The following OCIAD2 variants were observed in gnomAD, a reference collection of about 807,000 sequenced individuals.
OCIAD2 encodes the protein OCIA domain containing 2, also known as OCIA domain-containing protein 2.
OCIAD2 carries 29 observed loss-of-function variants against 22.9 expected under a neutral mutation model. That is an observed-to-expected ratio of 1.27 (90% confidence interval 0.94 to 1.73). The LOEUF (loss-of-function observed/expected upper bound fraction) is 1.73. Ranked by LOEUF, OCIAD2 falls within the 40% of genes most tolerant of loss-of-function variation. The pLI is 0.00. For synonymous variants in OCIAD2, 67 were observed against 60.2 expected (o/e 1.11, Z -0.52); for missense variants, 189 against 180.3 (o/e 1.05, Z -0.28).
intron 2 of OCIAD2, among the ~76,000 whole-genome samples, chr4:48,902,631 T>G (rs1260267367): frequency 2.0e-5 from 3 of 152,120 alleles, no homozygotes; most frequent in African/African-American, 7.2e-5. Flanking sequence ...AAGGACTGCC[T>G]CCCCTTAATA....
At chr4:48,888,902 A>G (rs1781077313) in intron 6 of OCIAD2, among the ~76,000 whole-genome samples, 1 of 152,174 alleles carries the variant, frequency 6.6e-6, no homozygotes, top group Admixed American at 6.6e-5. Context: ...GAATAGTTTC[A>G]GAAGGAATGG....
intron 1 of OCIAD2, among the ~76,000 whole-genome samples, chr4:48,904,847 G>A (rs1209437251): frequency 3.9e-5 from 6 of 152,128 alleles, no homozygotes; most frequent in Non-Finnish European, 8.8e-5. Flanking sequence ...ACTGAGTGTC[G>A]ATTATGTGCC....
At chr4:48,890,659 T>C (rs974877808) in intron 6 of OCIAD2, among the ~76,000 whole-genome samples, 1 of 152,180 alleles carries the variant, frequency 6.6e-6, no homozygotes, top group African/African-American at 2.4e-5. Context: ...GAATATGAAA[T>C]AGATGTCCTT....
chr4:48,896,332 G>A (rs1198474354), intron 4 of OCIAD2, among the ~76,000 whole-genome samples: 1 of 152,060 alleles, frequency 6.6e-6, no homozygotes, highest in Non-Finnish European at 1.5e-5. Context: ...GCTCATGCCT[G>A]TAATCCCAGC....
intron 1 of OCIAD2, among the ~76,000 whole-genome samples, chr4:48,905,423 A>G (rs1392259101): frequency 6.6e-6 from 1 of 151,800 alleles, no homozygotes; most frequent in Non-Finnish European, 1.5e-5. Flanking sequence ...GAGAAGAAAG[A>G]TTAAAAAAAA....
At chr4:48,899,483 A>G (rs1781370841) in intron 3 of OCIAD2, among the ~76,000 whole-genome samples, 1 of 152,184 alleles carries the variant, frequency 6.6e-6, no homozygotes, top group Non-Finnish European at 1.5e-5. Context: ...ATTATTTCTG[A>G]ACCCTATGAA....
At chr4:48,886,281 C>A (rs1780984418) in intron 6 of OCIAD2, among the ~76,000 whole-genome samples, 1 of 152,158 alleles carries the variant, frequency 6.6e-6, no homozygotes, top group Non-Finnish European at 1.5e-5. Flanking sequence ...TTCCATTGAT[C>A]TATATCTCCT....
At position 48,892,793 on chromosome 4, in the gene OCIAD2, C is replaced by A; in HGVS notation, c.362G>T (p.Gly121Val). ...AAACCTGTTATGCTGTGGACCAAAA[C>A]CAGCCCCACGGAGCTGATCTTCAAA... ...HFFEDQLRGAGFGPQHNRHCL... is the reference protein window; with the variant it reads ...HFFEDQLRGAVFGPQHNRHCL... Residue 121 changes from glycine to valine, a missense_variant, in exon 6 of 7, where the codon GGT (glycine) becomes GTT (valine). Gly to Val is a moderately radical substitution (Grantham distance 109). Transcript: ENST00000508632. 2 of 1,602,556 alleles carry A rather than the reference C, an allele frequency of 1.2e-6. No individual in the cohort carries two copies. The highest frequency in any genetic ancestry group is 1.7e-6 in the Non-Finnish European group (2 of 1,170,842).
intron 4 of OCIAD2, among the ~76,000 whole-genome samples, chr4:48,896,230 T>A (rs1490262553): frequency 6.6e-6 from 1 of 152,166 alleles, no homozygotes; most frequent in East Asian, 1.9e-4. Context: ...ATGTGGTTTT[T>A]GAGACCCAGA....
intron 1 of OCIAD2, among the ~76,000 whole-genome samples, chr4:48,905,855 C>G (rs1282544433): frequency 6.6e-6 from 1 of 152,156 alleles, no homozygotes; most frequent in Non-Finnish European, 1.5e-5. Flanking sequence ...TTTACCCCTG[C>G]GATCCCTTTG....
intron 1 of OCIAD2, among the ~76,000 whole-genome samples, chr4:48,905,964 TAGGATG>T (rs560345641): frequency 3.9e-5 from 6 of 152,126 alleles, no homozygotes; most frequent in African/African-American, 1.2e-4. Context: ...GAATGAAGAC[TAGGATG>T]AGGATGAGGA....
chr4:48,905,083 G>A (rs889449537), intron 1 of OCIAD2, among the ~76,000 whole-genome samples: 1 of 152,174 alleles, frequency 6.6e-6, no homozygotes, highest in African/African-American at 2.4e-5. Flanking sequence ...TCTGGGGCAG[G>A]AGGACCAGGT....
Position 48,904,513 on chromosome 4 carries a change from C to T in OCIAD2, c.37G>A (p.Asp13Asn). The stretch of plus-strand genomic sequence containing the variant: ...TTGCTTGGTGGTGGAAAATGGGCAT[C>T]TTTATCTTGGTTTCCACGAGCAGAC... ...SASARGNQDK[D>N]AHFPPPSKQS... Residue 13 changes from aspartate (D) to asparagine (N), a missense_variant, in exon 2 of 7, where the codon GAT (aspartate) becomes AAT (asparagine). Transcript: ENST00000508632. 1 of 1,614,090 alleles carries T rather than the reference C, an allele frequency of 6.2e-7. No homozygotes were observed. The highest frequency in any genetic ancestry group is 8.5e-7 in the Non-Finnish European group (1 of 1,180,004).
chr4:48,888,045 G>A (rs553103469), intron 6 of OCIAD2, among the ~76,000 whole-genome samples: 31 of 152,042 alleles, frequency 2.0e-4, no homozygotes, highest in Non-Finnish European at 3.5e-4. Context: ...CCTTGAAGAG[G>A]TCCTTCACAT....
At chr4:48,890,084 C>T (rs1192379558) in intron 6 of OCIAD2, among the ~76,000 whole-genome samples, 1 of 123,378 alleles carries the variant, frequency 8.1e-6, no homozygotes, top group Admixed American at 1.1e-4. Flanking sequence ...GGAAGGGGAA[C>T]ATTACATACC....
At chr4:48,893,105 C>T (rs1348727900) in intron 5 of OCIAD2, 1 of 350,450 alleles carries the variant, frequency 2.9e-6, no homozygotes, top group East Asian at 5.1e-5. Context: ...AGGGCCAGGA[C>T]AGAGCAAGCC....
chr4:48,904,610 G>C lies in OCIAD2; in HGVS notation c.-61C>G, dbSNP rs1425140224. 9.7e-6 allele frequency: 14 copies of C among 1,446,940 alleles called. No homozygotes were observed. Among genetic ancestry groups the C allele is most frequent in the Non-Finnish European group, 1.1e-5 (11 of 1,028,808 alleles). The allele number at this position is 1,446,940 out of a possible 1,614,324, so 89.6% of individuals were successfully genotyped here. ...TCCTCTGCTTACTCCTTGACCCAGT[G>C]TCTAAGGAAGGTAGAAGAGAATCAC... On this transcript the variant is annotated splice_region_variant and 5_prime_UTR_variant, in exon 2 of 7. Transcript: ENST00000508632.
intron 6 of OCIAD2, among the ~76,000 whole-genome samples, chr4:48,888,850 A>C (rs984341495): frequency 2.0e-5 from 3 of 152,210 alleles, no homozygotes; most frequent in Non-Finnish European, 4.4e-5. Context: ...TGTTGGCCTC[A>C]TAAAATGAGT....
rs759854117 is a variant in OCIAD2 at position 48,892,771 on chromosome 4, C to G, written c.383+1G>C. The G allele has an allele frequency of 6.7e-7, 1 of 1,484,798 alleles. No homozygotes were observed. The highest frequency in any genetic ancestry group is 9.3e-7 in the Non-Finnish European group (1 of 1,069,754). The allele number at this position is 1,484,798 out of a possible 1,614,324, so 92.0% of individuals were successfully genotyped here. ...ATCCCTCAACCAAACAGATTACAAA[C>G]CTGTTATGCTGTGGACCAAAACCAG... On this transcript the variant is annotated splice_donor_variant, in intron 6 of 6. Coordinates refer to ENST00000508632, the MANE Select transcript of OCIAD2 (RefSeq NM_001014446.3). LOFTEE classifies it high-confidence loss of function.
Sources: gnomAD v4.1 joint callset for allele counts (sites outside exome capture counted in the v4.1 genomes callset) on GRCh38, gnomAD v4.1.1 for gene constraint, MANE v1.5 for transcripts, NCBI Gene and HGNC (gene_info 2026-07-23, HGNC 2026-07-21) for gene names.